PRPSAP2: variants seen among roughly 807,000 people sequenced by gnomAD.
PRPSAP2 encodes phosphoribosyl pyrophosphate synthetase associated protein 2, also known as phosphoribosyl pyrophosphate synthase-associated protein 2.
Under a neutral mutation model 40.6 loss-of-function variants are expected in PRPSAP2, and 24 were observed. The observed-to-expected ratio is 0.59, with a 90% CI of 0.43 to 0.83. PRPSAP2 has a LOEUF of 0.83. Ranked by LOEUF, PRPSAP2 falls within the 40% of genes least tolerant of loss-of-function variation. PRPSAP2 has a pLI of 0.00. For synonymous variants in PRPSAP2, 149 were observed against 164.7 expected (o/e 0.90, Z 0.73); for missense variants, 292 against 465.6 (o/e 0.63, Z 3.43).
chr17:18,872,380 AATTCTCTCTTAAAGCTGT>A (rs1261824138), intron 4 of PRPSAP2, among the ~76,000 whole-genome samples, 185 bp from the exon 5 acceptor site: 2 of 152,226 alleles, frequency 1.3e-5, no homozygotes, highest in Non-Finnish European at 2.9e-5. Flanking sequence ...TCAGAAATGT[AATTCTCTCTTAAAGCTGT>A]GTTTTAAAAA....
chr17:18,889,732 A>T, intron 7 of PRPSAP2, 90 bp from the exon 8 acceptor site: 2 of 1,048,540 alleles, frequency 1.9e-6, no homozygotes, highest in Non-Finnish European at 2.7e-6. Context: ...CTTTTTTTGG[A>T]AAACTTTCAA....
intron 8 of PRPSAP2, among the ~76,000 whole-genome samples, chr17:18,894,287 C>T (rs2039771363): frequency 6.6e-6 from 1 of 151,426 alleles, no homozygotes; most frequent in Non-Finnish European, 1.5e-5. Flanking sequence ...AGTCTTCTGA[C>T]TAGCTGGGAT....
rs1047463507 is a variant in PRPSAP2 at position 18,911,393 on chromosome 17, G to A, written c.733+142G>A. 1.2e-5 allele frequency: 12 copies of A among 1,036,254 alleles called. No individual in the cohort carries two copies. Among genetic ancestry groups the A allele is most frequent in the Non-Finnish European group, 1.6e-5 (12 of 737,640 alleles). 64.2% of individuals were successfully genotyped at this position (1,036,254 alleles called of 1,614,324 possible). A position where few individuals can be genotyped will look rare whatever the true frequency, so the allele number is the denominator to read the frequency against. On this transcript the variant is annotated intron_variant, in intron 9 of 11. Transcript: ENST00000268835. The surrounding 1 kb of genome is among the most constrained non-coding windows in gnomAD (Gnocchi z 4.5). ...ACACCTTTCTTGGCCAGATAGTAGC[G>A]AATGCATTTCTGATTACCTTGTAAA... is the stretch of plus-strand genomic sequence containing the variant.
chr17:18,874,761 T>C (rs767096203), intron 5 of PRPSAP2, among the ~76,000 whole-genome samples: 1 of 152,072 alleles, frequency 6.6e-6, no homozygotes, highest in Non-Finnish European at 1.5e-5. Flanking sequence ...CAAACCAGGG[T>C]GGAAGTGGAG....
intron 10 of PRPSAP2, among the ~76,000 whole-genome samples, chr17:18,925,390 G>A (rs11656953): frequency 0.082 from 12,524 of 152,298 alleles, 590 homozygotes; most frequent in Middle Eastern, 0.14. Flanking sequence ...AGTCAGCCAT[G>A]AGGGCTTGTG....
intron 10 of PRPSAP2, among the ~76,000 whole-genome samples, chr17:18,927,897 G>C (rs773218628): frequency 6.6e-6 from 1 of 152,064 alleles, no homozygotes; most frequent in Admixed American, 6.6e-5. Flanking sequence ...TCCTGCCTCA[G>C]CCTCCCAAGT....
intron 5 of PRPSAP2, among the ~76,000 whole-genome samples, chr17:18,877,339 G>A (rs2038372026): frequency 6.6e-6 from 1 of 152,176 alleles, no homozygotes; most frequent in South Asian, 2.1e-4. Flanking sequence ...GTGGAGGCAG[G>A]AGAGGAGAGA....
intron 10 of PRPSAP2, chr17:18,928,591 A>G (rs938659277): frequency 9.0e-6 from 5 of 553,084 alleles, no homozygotes; most frequent in South Asian, 5.2e-5. Flanking sequence ...GATAGCTCCA[A>G]TAGTGGCAGG....
intron 1 of PRPSAP2, among the ~76,000 whole-genome samples, chr17:18,862,541 G>A (rs146940197): frequency 2.5e-3 from 376 of 152,258 alleles, no homozygotes; most frequent in African/African-American, 8.0e-3. Context: ...TAGCATGTCC[G>A]ATATGCAGGG....
At chr17:18,872,424 A>G (rs1360807111) in intron 4 of PRPSAP2, among the ~76,000 whole-genome samples, 159 bp from the exon 5 acceptor site, 2 of 152,242 alleles carry the variant, frequency 1.3e-5, no homozygotes, top group African/African-American at 4.8e-5. Context: ...TAATGGCAGT[A>G]TGTGTATTAT....
chr17:18,879,795 G>A (rs922047746), intron 6 of PRPSAP2, among the ~76,000 whole-genome samples: 3 of 148,478 alleles, frequency 2.0e-5, no homozygotes, highest in African/African-American at 4.9e-5. Context: ...AAAGGCAAAC[G>A]TAAAACAAAC....
intron 9 of PRPSAP2, among the ~76,000 whole-genome samples, chr17:18,912,147 A>G (rs988821295): frequency 2.1e-4 from 31 of 150,074 alleles, no homozygotes; most frequent in African/African-American, 7.6e-4. Context: ...GCGCCATTGC[A>G]CTCCAGCCTG....
intron 8 of PRPSAP2, among the ~76,000 whole-genome samples, chr17:18,900,102 G>C (rs1050875990): frequency 1.3e-5 from 2 of 151,786 alleles, no homozygotes; most frequent in Non-Finnish European, 2.9e-5. Context: ...GGTCAGGCTG[G>C]TCTTGAACTT....
At chr17:18,895,425 G>A (rs2039856095) in intron 8 of PRPSAP2, among the ~76,000 whole-genome samples, 1 of 151,572 alleles carries the variant, frequency 6.6e-6, no homozygotes, top group Non-Finnish European at 1.5e-5. Flanking sequence ...ATTTCTTTGG[G>A]TATCCCTTAA....
chr17:18,921,148 G>A (rs770637471), intron 9 of PRPSAP2, among the ~76,000 whole-genome samples: 4 of 152,098 alleles, frequency 2.6e-5, no homozygotes, highest in Non-Finnish European at 5.9e-5. Flanking sequence ...ATAACCCATC[G>A]TATGAATGTG....
At chr17:18,914,156 G>A (rs1440355873) in intron 9 of PRPSAP2, among the ~76,000 whole-genome samples, 3 of 150,668 alleles carry the variant, frequency 2.0e-5, no homozygotes, top group Non-Finnish European at 4.4e-5. Flanking sequence ...ACTCCAGCAT[G>A]GCAACAGAGT....
chr17:18,923,884 A>G (rs1014529544), intron 9 of PRPSAP2, 30 bp from the exon 10 acceptor site: 1 of 1,564,286 alleles, frequency 6.4e-7, no homozygotes, highest in Non-Finnish European at 8.7e-7. Context: ...TAATATAAAA[A>G]TTTTGGTGTG....
chr17:18,921,437 TCAGTTCTGGAA>T (rs1227108488), intron 9 of PRPSAP2, among the ~76,000 whole-genome samples: 1 of 152,186 alleles, frequency 6.6e-6, no homozygotes, highest in African/African-American at 2.4e-5. Flanking sequence ...AAAAGTCACT[TCAGTTCTGGAA>T]TTTATCTTGC....
At chr17:18,871,310 G>A (rs903435909) in intron 4 of PRPSAP2, among the ~76,000 whole-genome samples, 8 of 152,060 alleles carry the variant, frequency 5.3e-5, no homozygotes, top group African/African-American at 1.4e-4. Flanking sequence ...GTGAGCCACC[G>A]TGCCCAGCCT....
Sources: gnomAD v4.1 joint callset for allele counts (sites outside exome capture counted in the v4.1 genomes callset) on GRCh38, gnomAD v4.1.1 for gene constraint, Gnocchi (gnomAD v3.1) non-coding constraint, MANE v1.5 for transcripts, NCBI Gene and HGNC (gene_info 2026-07-23, HGNC 2026-07-21) for gene names.